Variants in ABI3BP observed in about 807,000 individuals in gnomAD.
ABI3BP encodes the protein ABI family member 3 binding protein.
In ABI3BP, 216 loss-of-function variants were observed where a neutral mutation model predicts 268.6. That is an observed-to-expected ratio of 0.80 (90% CI 0.72 to 0.90). ABI3BP has a LOEUF of 0.90. ABI3BP is among the 40% of genes least tolerant of loss of function. ABI3BP has a pLI of 0.00. For synonymous variants in ABI3BP, 730 were observed against 730.0 expected (o/e 1.00, Z 0.00); for missense variants, 2,090 against 2,182.4 (o/e 0.96, Z 0.84).
chr3:100,872,429 T>C (rs1403867202), intron 9 of ABI3BP, among the ~76,000 whole-genome samples: 1 of 152,112 alleles, frequency 6.6e-6, no homozygotes, highest in East Asian at 1.9e-4. Flanking sequence ...TTAGGAAATA[T>C]CACTCAAGAC....
At chr3:100,821,463 GT>G (rs1157589249) in intron 38 of ABI3BP, among the ~76,000 whole-genome samples, 2 of 152,130 alleles carry the variant, frequency 1.3e-5, no homozygotes, top group Non-Finnish European at 2.9e-5. Flanking sequence ...ATGCCTTCAT[GT>G]GGAAAGAACA....
intron 1 of ABI3BP, among the ~76,000 whole-genome samples, chr3:100,971,435 A>T (rs554081907): frequency 6.6e-6 from 1 of 152,270 alleles, no homozygotes; most frequent in East Asian, 1.9e-4. Context: ...GTAGGCTAGC[A>T]GGAATGAGGC....
chr3:100,982,240 G>A (rs2153958871), intron 1 of ABI3BP, among the ~76,000 whole-genome samples: 1 of 152,230 alleles, frequency 6.6e-6, no homozygotes. Flanking sequence ...TGGGGATTAT[G>A]GGGATTACAA....
intron 66 of ABI3BP, 153 bp downstream of exon 66, chr3:100,752,634 G>T: frequency 1.4e-6 from 1 of 711,090 alleles, no homozygotes; most frequent in Non-Finnish European, 2.3e-6. Context: ...TTCTAGGAAT[G>T]ATAACTGTTT....
At chr3:100,881,629 A>G (rs1478875524) in intron 6 of ABI3BP, among the ~76,000 whole-genome samples, 4 of 151,424 alleles carry the variant, frequency 2.6e-5, no homozygotes, top group Admixed American at 2.0e-4. Flanking sequence ...AATAGTAAAC[A>G]TTAGGTTTTA....
chr3:100,818,409 A>G, intron 41 of ABI3BP, 116 bp downstream of exon 41: 1 of 903,064 alleles, frequency 1.1e-6, no homozygotes, highest in East Asian at 2.6e-5. Flanking sequence ...GATAAAGACT[A>G]TAATGGAATG....
intron 39 of ABI3BP, 98 bp downstream of exon 39, chr3:100,820,956 G>A: frequency 3.1e-6 from 3 of 968,648 alleles, no homozygotes; most frequent in Non-Finnish European, 4.7e-6. Context: ...GAATGATGAT[G>A]TAGTCTTGAA....
At chr3:100,764,965 C>G (rs559268494) in intron 63 of ABI3BP, among the ~76,000 whole-genome samples, 74 of 152,230 alleles carry the variant, frequency 4.9e-4, no homozygotes, top group African/African-American at 1.8e-3. Flanking sequence ...AGTGAACTGC[C>G]TGTAGTGAAT....
At chr3:100,923,541 A>C (rs1405559913) in intron 2 of ABI3BP, among the ~76,000 whole-genome samples, 1 of 152,218 alleles carries the variant, frequency 6.6e-6, no homozygotes, top group African/African-American at 2.4e-5. Flanking sequence ...AAATCAATGC[A>C]TTCTTATTGG....
At chr3:100,818,231 G>A (rs1578853436) in intron 41 of ABI3BP, among the ~76,000 whole-genome samples, 2 of 152,342 alleles carry the variant, frequency 1.3e-5, no homozygotes. Flanking sequence ...AAGGGATAGA[G>A]ATTCGTGCTT....
intron 1 of ABI3BP, among the ~76,000 whole-genome samples, chr3:100,960,143 GACA>G (rs1006547289): frequency 3.3e-5 from 5 of 152,074 alleles, no homozygotes; most frequent in African/African-American, 4.8e-5. Context: ...TGTATAATCA[GACA>G]ATAATTTCAG....
chr3:100,905,104 C>T (rs2052667413), intron 2 of ABI3BP, among the ~76,000 whole-genome samples: 2 of 152,114 alleles, frequency 1.3e-5, no homozygotes, highest in African/African-American at 4.8e-5. Context: ...AGTTCATGTC[C>T]TTTGTAGGGA....
chr3:100,868,744 A>C (rs1319164529), intron 9 of ABI3BP, among the ~76,000 whole-genome samples: 5 of 152,276 alleles, frequency 3.3e-5, no homozygotes, highest in African/African-American at 7.2e-5. Context: ...TGTTCACACA[A>C]CAAAATATTT....
intron 4 of ABI3BP, 108 bp downstream of exon 4, chr3:100,898,654 G>A: frequency 7.8e-7 from 1 of 1,286,316 alleles, no homozygotes; most frequent in Admixed American, 3.0e-5. Context: ...CTCACACCTA[G>A]AACAGGCTGT....
intron 1 of ABI3BP, among the ~76,000 whole-genome samples, chr3:100,985,585 G>C (rs1342550945): frequency 2.0e-5 from 3 of 152,046 alleles, no homozygotes; most frequent in Non-Finnish European, 4.4e-5. Context: ...TTCTATTTTG[G>C]AGGAATTTTG....
At chr3:100,775,469 A>T in intron 59 of ABI3BP, 134 bp from the exon 60 acceptor site, 1 of 1,161,580 alleles carries the variant, frequency 8.6e-7, no homozygotes, top group Non-Finnish European at 1.2e-6. Context: ...TGGAGAGAAA[A>T]CAAGACCTGA....
intron 1 of ABI3BP, among the ~76,000 whole-genome samples, chr3:100,944,570 C>T (rs2576383): frequency 1 from 152,310 of 152,340 alleles, 76,140 homozygotes; most frequent in Non-Finnish European, 1. Context: ...TGCCATCTTG[C>T]AAAAACATTG....
intron 53 of ABI3BP, 73 bp from the exon 54 acceptor site, chr3:100,795,076 T>C (rs1457824257): frequency 5.5e-6 from 5 of 915,372 alleles, no homozygotes; most frequent in African/African-American, 1.8e-5. Context: ...TGGTATTACA[T>C]GAAATTCCTT....
chr3:100,837,194 A>T (rs1401596144), intron 26 of ABI3BP, 23 bp from the exon 27 acceptor site: 6 of 1,522,796 alleles, frequency 3.9e-6, no homozygotes, highest in Non-Finnish European at 2.6e-6. Flanking sequence ...AAATAAACAG[A>T]TATAAGTAAT....
Sources: allele counts gnomAD v4.1 joint callset (sites outside exome capture counted in the v4.1 genomes callset), GRCh38; gene constraint gnomAD v4.1.1; transcripts MANE v1.5; gene names NCBI Gene and HGNC (gene_info 2026-07-23, HGNC 2026-07-21).